The following PSMD6 variants were observed in gnomAD, a reference collection of about 807,000 sequenced individuals.
PSMD6 encodes proteasome 26S subunit, non-ATPase 6.
Under a neutral mutation model 44.9 loss-of-function variants are expected in PSMD6, and 7 were observed. The observed-to-expected ratio is 0.16, with a 90% CI of 0.09 to 0.29. PSMD6 has a LOEUF of 0.29. Among genes scored for constraint, PSMD6 ranks in the 10% least tolerant of loss-of-function variants. The pLI, the probability that PSMD6 is intolerant of heterozygous loss-of-function variation, is 1.00. For missense variants in PSMD6, 420 were observed against 482.6 expected (o/e 0.87, Z 1.21); for synonymous variants, 184 against 172.7 (o/e 1.07, Z -0.51).
intron 2 of PSMD6, among the ~76,000 whole-genome samples, chr3:64,021,488 TTC>T (rs1378385872): frequency 1.3e-5 from 2 of 152,248 alleles, no homozygotes; most frequent in African/African-American, 4.8e-5. Context: ...AGCATTTATA[TTC>T]TTTTACATAT....
intron 1 of PSMD6, 75 bp from the exon 2 acceptor site, chr3:64,022,598 C>G (rs771535910): frequency 6.5e-7 from 1 of 1,547,736 alleles, no homozygotes; most frequent in South Asian, 1.2e-5. Flanking sequence ...CGTATTTCAC[C>G]CCCCGCCCCG....
upstream of PSMD6, chr3:64,023,626 T>TCCA (rs2076171136): frequency 1.4e-6 from 2 of 1,417,818 alleles, no homozygotes; most frequent in East Asian, 5.3e-5. Context: ...CGGGGGCTTT[T>TCCA]CCACCCTCAA....
chr3:64,023,487 G>C lies in PSMD6; in HGVS notation c.-68C>G. On this transcript the variant is annotated 5_prime_UTR_variant, in exon 1 of 8. Transcript: ENST00000295901. ...CGACCGGCTGCGGCAGCGGAAGCGG[G>C]AGGAGTCGGCGAATACGCCCGGCCG... 6.7e-7 allele frequency: 1 copy of C among 1,485,906 alleles called. No individual in the cohort carries two copies. The highest frequency in any genetic ancestry group is 9.0e-7 in the Non-Finnish European group (1 of 1,111,104). The allele number at this position is 1,485,906 out of a possible 1,614,324, so 92.0% of individuals were successfully genotyped here. A position where few individuals can be genotyped will look rare whatever the true frequency, so the allele number is the denominator to read the frequency against.
At chr3:64,017,668 A>G (rs2076068829) in intron 5 of PSMD6, 1 of 152,248 alleles carries the variant, frequency 6.6e-6, no homozygotes, top group Non-Finnish European at 1.5e-5. Flanking sequence ...TGAGGTAAAT[A>G]CTATGAATTC....
rs2076095592 is a variant in PSMD6 at position 64,019,361 on chromosome 3, G to A, written c.432C>T (p.Leu144=). The A allele has an allele frequency of 6.2e-7, 1 of 1,603,890 alleles. No individual in the cohort carries two copies. Among genetic ancestry groups the A allele is most frequent in the East Asian group, 2.2e-5 (1 of 44,834 alleles). ...CCATATAAAATAAGCCAATCCTAAG[G>A]AGATAGAATACAATATCCAATCGGT... ...LGHRLDIVFY[L]LRIGLFYMDN... Residue 144 remains leucine, a synonymous_variant, in exon 3 of 8, where the codon CTC becomes CTT. Transcript: ENST00000295901.
intron 6 of PSMD6, 189 bp downstream of exon 6, chr3:64,013,250 G>A: frequency 1.9e-6 from 1 of 522,224 alleles, no homozygotes; most frequent in Non-Finnish European, 3.3e-6. Flanking sequence ...TTAATGCAAG[G>A]GGCAGACATG....
In PSMD6 at chr3:64,020,496, C is replaced by T. The variant is rs1328253878; in HGVS notation, c.352-1055G>A. 2.0e-5 allele frequency among the ~76,000 whole-genome samples: 3 copies of T among 152,104 alleles called. No individual in the cohort carries two copies. The East Asian group carries it at 5.8e-4, about 29-fold the overall frequency. On this transcript the variant is annotated intron_variant, in intron 2 of 7. Transcript: ENST00000295901. ...AATCAAAAGTTTCAAGTTTCTCATTCATATGTAATATATTAGTCTTTAAAA... is the reference window on the plus strand; with the variant it reads ...AATCAAAAGTTTCAAGTTTCTCATTTATATGTAATATATTAGTCTTTAAAA...
upstream of PSMD6, chr3:64,023,505 C>T (rs897975283): frequency 7.0e-7 from 1 of 1,438,382 alleles, no homozygotes; most frequent in Non-Finnish European, 9.2e-7. Context: ...GGCGAATACG[C>T]CCGGCCGCCT....
At chr3:64,015,720 C>T (rs1330812891) in intron 5 of PSMD6, 1 of 152,152 alleles carries the variant, frequency 6.6e-6, no homozygotes, top group African/African-American at 2.4e-5. Flanking sequence ...AACAGTGCCC[C>T]TGAAGGACAC....
intron 1 of PSMD6, 78 bp downstream of exon 1, chr3:64,023,195 CAA>C (rs901889293): frequency 1.4e-6 from 2 of 1,466,702 alleles, no homozygotes; most frequent in African/African-American, 2.9e-5. Flanking sequence ...GGAGCTCCAT[CAA>C]AAAAAGTCCC....
intron 5 of PSMD6, 52 bp downstream of exon 5, chr3:64,018,547 G>A: frequency 7.5e-7 from 1 of 1,341,768 alleles, no homozygotes; most frequent in Non-Finnish European, 1.1e-6. Context: ...TTGCACATAG[G>A]ATCAGGAGTA....
intron 5 of PSMD6, chr3:64,015,205 A>T (rs942751910): frequency 1.3e-5 from 2 of 152,368 alleles, no homozygotes; most frequent in South Asian, 2.1e-4. Flanking sequence ...GGTTCTCTCA[A>T]ATGCTATAGA....
At chr3:64,018,433 C>A in intron 5 of PSMD6, 166 bp downstream of exon 5, 1 of 548,702 alleles carries the variant, frequency 1.8e-6, no homozygotes, top group East Asian at 3.1e-5. Context: ...AATCTGATGA[C>A]CCTTCTTCTA....
intron 2 of PSMD6, 43 bp downstream of exon 2, chr3:64,022,275 T>C: frequency 6.3e-7 from 1 of 1,592,986 alleles, no homozygotes. Context: ...TCTCCAATTT[T>C]AGCCTATACT....
At chr3:64,012,886 C>CT (rs1479570602) in intron 6 of PSMD6, 3 of 152,200 alleles carry the variant, frequency 2.0e-5, no homozygotes, top group Non-Finnish European at 4.4e-5. Flanking sequence ...TATTTATTTG[C>CT]TTCCTTGCCA....
intron 1 of PSMD6, chr3:64,022,737 A>G (rs1161808851): frequency 2.6e-6 from 4 of 1,536,458 alleles, no homozygotes; most frequent in South Asian, 2.4e-5. Context: ...GGCAATGCCA[A>G]CCTCTACTAG....
rs1576035573 is a variant in PSMD6, at chr3:64,019,727, T to C, written c.352-286A>G. 3.8e-5 allele frequency: 12 copies of C among 318,364 alleles called. No individual in the cohort carries two copies. In the East Asian group the frequency reaches 6.6e-4, roughly 17 times the overall value. 19.7% of individuals were successfully genotyped at this position (318,364 alleles called of 1,614,324 possible). A position where few individuals can be genotyped will look rare whatever the true frequency, so the allele number is the denominator to read the frequency against. On this transcript the variant is annotated intron_variant, in intron 2 of 7. Coordinates refer to ENST00000295901, the MANE Select transcript of PSMD6 (RefSeq NM_014814.3). Reference sequence around the variant, plus strand: ...AAAATATATTCACAATTGTTAAGTATTTTTCTCTGTTCTATATATTCAATG... The same window carrying C: ...AAAATATATTCACAATTGTTAAGTACTTTTCTCTGTTCTATATATTCAATG...
chr3:64,018,274 G>T, intron 5 of PSMD6: 1 of 182,410 alleles, frequency 5.5e-6, no homozygotes, highest in Non-Finnish European at 1.2e-5. Flanking sequence ...CTTAACCAGG[G>T]GTCTGGCAAA....
chr3:64,020,960 G>A (rs943312517), intron 2 of PSMD6, among the ~76,000 whole-genome samples: 5 of 151,880 alleles, frequency 3.3e-5, no homozygotes, highest in Admixed American at 1.3e-4. Context: ...CTATTACACA[G>A]TTACTCAATT....
Sources: allele counts gnomAD v4.1 joint callset (sites outside exome capture counted in the v4.1 genomes callset), GRCh38; gene constraint gnomAD v4.1.1; transcripts MANE v1.5; gene names NCBI Gene and HGNC (gene_info 2026-07-23, HGNC 2026-07-21).